The following COP1 variants were observed in gnomAD, a reference collection of about 807,000 sequenced individuals.
The protein encoded by COP1 is COP1 E3 ubiquitin ligase, also known as E3 ubiquitin-protein ligase COP1.
Under a neutral mutation model 101.3 loss-of-function variants are expected in COP1, and 24 were observed. The observed-to-expected ratio is 0.24, with a 90% CI of 0.17 to 0.33. The LOEUF is 0.33. Ranked by LOEUF, COP1 falls within the 10% of genes least tolerant of loss-of-function variation. The pLI is 1.00. For missense variants in COP1, 663 were observed against 906.2 expected, an observed-to-expected ratio of 0.73 and a Z score of 3.45; for synonymous variants, 347 against 341.9, an observed-to-expected ratio of 1.01 and a Z score of -0.17.
At chr1:175,945,641 G>A (rs903291242) in intron 19 of COP1, among the ~76,000 whole-genome samples, 11 of 152,098 alleles carry the variant, frequency 7.2e-5, no homozygotes, top group East Asian at 3.9e-4. Context: ...ATCATCTAGC[G>A]TCCAGATACT....
chr1:175,987,659 C>G (rs1229071277), intron 17 of COP1, among the ~76,000 whole-genome samples: 1 of 152,054 alleles, frequency 6.6e-6, no homozygotes, highest in African/African-American at 2.4e-5. Context: ...AATAATTGTT[C>G]CAGATATTTG....
intron 7 of COP1, among the ~76,000 whole-genome samples, chr1:176,135,634 A>G (rs961482074): frequency 1.3e-5 from 2 of 152,062 alleles, no homozygotes; most frequent in African/African-American, 4.8e-5. Flanking sequence ...ATTTTTGATC[A>G]GTAATCCAGA....
intron 18 of COP1, among the ~76,000 whole-genome samples, chr1:175,950,403 AT>A (rs560313783): frequency 2.7e-4 from 40 of 149,592 alleles, no homozygotes; most frequent in African/African-American, 4.4e-4. Context: ...AAGATAAATT[AT>A]TTTTTTTTTG....
chr1:176,033,048 T>G (rs1175153284), intron 14 of COP1, among the ~76,000 whole-genome samples: 2 of 151,992 alleles, frequency 1.3e-5, no homozygotes, highest in African/African-American at 4.8e-5. Flanking sequence ...TGAGTTTCAC[T>G]AACTGATTTC....
At chr1:176,123,849 T>C (rs565141020) in intron 8 of COP1, among the ~76,000 whole-genome samples, 105 of 152,212 alleles carry the variant, frequency 6.9e-4, no homozygotes, top group Non-Finnish European at 1.2e-3. Context: ...AACATGTCAG[T>C]AACACAGACT....
chr1:176,139,533 AT>A (rs1690344906), intron 6 of COP1, among the ~76,000 whole-genome samples: 1 of 152,176 alleles, frequency 6.6e-6, no homozygotes, highest in African/African-American at 2.4e-5. Context: ...TCATAGCTCT[AT>A]TCATCACAGC....
intron 1 of COP1, among the ~76,000 whole-genome samples, chr1:176,203,365 C>T (rs776662850): frequency 9.2e-5 from 14 of 152,170 alleles, no homozygotes; most frequent in Admixed American, 2.0e-4. Flanking sequence ...TCAACCTTCT[C>T]ATAAAGAGCT....
intron 15 of COP1, among the ~76,000 whole-genome samples, chr1:175,993,337 C>T (rs953307420): frequency 2.0e-5 from 3 of 152,180 alleles, no homozygotes; most frequent in African/African-American, 4.8e-5. Context: ...AGCAGAGTGC[C>T]TCTCCTCCTC....
intron 8 of COP1, among the ~76,000 whole-genome samples, chr1:176,125,070 T>C (rs1687790389): frequency 6.6e-6 from 1 of 150,822 alleles, no homozygotes; most frequent in Non-Finnish European, 1.5e-5. Flanking sequence ...TTGAGAAATG[T>C]CTAATCTTTT....
chr1:176,097,248 T>C (rs949020301), intron 9 of COP1, among the ~76,000 whole-genome samples: 9 of 152,128 alleles, frequency 5.9e-5, no homozygotes, highest in Admixed American at 5.9e-4. Context: ...GACTGAATTA[T>C]TTTTCTCCAT....
intron 10 of COP1, among the ~76,000 whole-genome samples, chr1:176,082,846 A>G (rs1307344618): frequency 6.6e-6 from 1 of 152,012 alleles, no homozygotes; most frequent in Non-Finnish European, 1.5e-5. Flanking sequence ...AGAAAAATAA[A>G]TAACATTACT....
chr1:176,091,174 A>C (rs1416121556), intron 9 of COP1, among the ~76,000 whole-genome samples: 1 of 152,156 alleles, frequency 6.6e-6, no homozygotes, highest in African/African-American at 2.4e-5. Flanking sequence ...ACAAAAATGA[A>C]GTTTATTACC....
At chr1:176,005,304 C>G (rs997180391) in intron 15 of COP1, among the ~76,000 whole-genome samples, 2 of 152,178 alleles carry the variant, frequency 1.3e-5, no homozygotes, top group African/African-American at 4.8e-5. Context: ...AAAAAACCAG[C>G]TCCTGGATTC....
Position 176,086,578 on chromosome 1 carries a change from G to A in COP1, c.1027-688C>T, listed in dbSNP as rs190790653. Among the ~76,000 whole-genome samples, 399 of 152,154 alleles carry A rather than the reference G, an allele frequency of 2.6e-3. 3 individuals carry two copies. Among genetic ancestry groups the A allele is most frequent in the African/African-American group, 9.2e-3 (381 of 41,514 alleles). On this transcript the variant is annotated intron_variant, in intron 9 of 19. Transcript: ENST00000367669. ...ATTGTTAGAAAATAATTATCAAATA[G>A]AAAATGAGTTACTTTTTCCAACGAA... is the stretch of plus-strand genomic sequence containing the variant.
chr1:175,954,994 T>C (rs1312746138), intron 18 of COP1, among the ~76,000 whole-genome samples: 2 of 152,120 alleles, frequency 1.3e-5, no homozygotes, highest in Non-Finnish European at 2.9e-5. Context: ...CTCATGCCTG[T>C]GATAGCACTC....
intron 15 of COP1, among the ~76,000 whole-genome samples, chr1:175,995,043 G>C (rs561798855): frequency 6.6e-6 from 1 of 152,066 alleles, no homozygotes; most frequent in African/African-American, 2.4e-5. Flanking sequence ...ATAACAAACT[G>C]TCTCTCAGAC....
chr1:176,172,070 CAG>C (rs1315789080), intron 3 of COP1, among the ~76,000 whole-genome samples: 3 of 152,058 alleles, frequency 2.0e-5, no homozygotes, highest in Admixed American at 6.6e-5. Context: ...ATTTTTGAGA[CAG>C]AGTCTCTGCT....
chr1:176,169,437 G>A (rs1452715659), intron 3 of COP1, among the ~76,000 whole-genome samples: 5 of 152,148 alleles, frequency 3.3e-5, no homozygotes, highest in Admixed American at 3.3e-4. Flanking sequence ...TTTTAAGTGT[G>A]TAATTTCTAT....
chr1:176,008,176 G>A lies in COP1; in HGVS notation c.1730-18697C>T, dbSNP rs181169815. Among the ~76,000 whole-genome samples the A allele has an allele frequency of 8.0e-3, 1,218 of 152,320 alleles. 12 individuals are homozygous for A. The highest frequency in any genetic ancestry group is 0.012 in the Non-Finnish European group (806 of 68,018). ...CCCTGACCCCTTGCGCTTCCCAAGT[G>A]AGGCAATGCCTCGCCCTGCATCAGC... On this transcript the variant is annotated intron_variant, in intron 15 of 19. Coordinates refer to ENST00000367669, the MANE Select transcript of COP1 (RefSeq NM_022457.7).
Sources: allele counts gnomAD v4.1 joint callset (sites outside exome capture counted in the v4.1 genomes callset), GRCh38; gene constraint gnomAD v4.1.1; transcripts MANE v1.5; gene names NCBI Gene and HGNC (gene_info 2026-07-23, HGNC 2026-07-21).